DOHH: variants seen among roughly 807,000 people sequenced by gnomAD.
The protein encoded by DOHH is deoxyhypusine hydroxylase, also known as HEAT-like (PBS lyase) repeat containing 1.
Under a neutral mutation model 19.9 loss-of-function variants are expected in DOHH, and 16 were observed. That is an observed-to-expected ratio of 0.80 (90% confidence interval 0.54 to 1.22). The LOEUF (loss-of-function observed/expected upper bound fraction) is 1.22, where lower values mean the gene tolerates loss of function less well. DOHH is among the 50% of genes most tolerant of loss of function. The pLI is 0.00. For synonymous variants in DOHH, 233 were observed against 217.0 expected, an observed-to-expected ratio of 1.07 and a Z score of -0.65; for missense variants, 460 against 460.6, an observed-to-expected ratio of 1.00 and a Z score of 0.01.
At chr19:3,495,660 A>G (rs2082903134) in intron 2 of DOHH, among the ~76,000 whole-genome samples, 2 of 152,200 alleles carry the variant, frequency 1.3e-5, no homozygotes, top group Non-Finnish European at 2.9e-5. Context: ...CTGTAATCCC[A>G]GCACTTTGGG....
chr19:3,491,562 T>C lies in DOHH; in HGVS notation c.839A>G (p.Tyr280Cys). The C allele has an allele frequency of 1.3e-6, 2 of 1,535,910 alleles. No individual in the cohort carries two copies. Among genetic ancestry groups the C allele is most frequent in the Non-Finnish European group, 1.7e-6 (2 of 1,146,728 alleles). ...RESCEVALDM[Y>C]EHETGRAFQY... is the part of the protein sequence containing the mutation. ...GAAGGCCCGCCCGGTCTCGTGCTCA[T>C]ACATGTCCAGAGCCACCTCGCAGCT... Residue 280 changes from tyrosine (Y) to cysteine (C), a missense_variant, in exon 5 of 5, where the codon TAT becomes TGT. Tyr to Cys is a radical substitution (Grantham distance 194). Coordinates refer to ENST00000427575, the MANE Select transcript of DOHH (RefSeq NM_001145165.2). This position sits in a 1 kb window ranked among gnomAD's most constrained non-coding sequence, Gnocchi z 5.6.
rs1221344363 is a variant in DOHH, at chr19:3,491,244, C to T, written c.*248G>A. On this transcript the variant is annotated 3_prime_UTR_variant, in exon 5 of 5. Transcript: ENST00000427575. This position sits in a 1 kb window ranked among gnomAD's most constrained non-coding sequence, Gnocchi z 5.6. ...CATCCCAGAGCCTCCCGCAGAGTCC[C>T]ACCCCAAGCCTGGAAACTTCCACGC... The T allele has an allele frequency of 1.8e-6, 1 of 564,970 alleles. No homozygotes were observed. Among genetic ancestry groups the T allele is most frequent in the Non-Finnish European group, 3.1e-6 (1 of 323,818 alleles). 35.0% of individuals were successfully genotyped at this position (564,970 alleles called of 1,614,324 possible). A position where few individuals can be genotyped will look rare whatever the true frequency, so the allele number is the denominator to read the frequency against.
chr19:3,493,249 C>T (rs2082884077), intron 3 of DOHH, among the ~76,000 whole-genome samples: 1 of 152,194 alleles, frequency 6.6e-6, no homozygotes, highest in Non-Finnish European at 1.5e-5. Flanking sequence ...CCCAGGAGTT[C>T]AACACCAGCC....
intron 3 of DOHH, 145 bp downstream of exon 3, chr19:3,493,883 C>T (rs2082888748): frequency 1.7e-5 from 12 of 694,438 alleles, no homozygotes; most frequent in Non-Finnish European, 2.8e-5. Flanking sequence ...CTTCCTCATC[C>T]CTGGGGCATC....
At chr19:3,495,325 G>A (rs1042740491) in intron 2 of DOHH, among the ~76,000 whole-genome samples, 10 of 151,982 alleles carry the variant, frequency 6.6e-5, no homozygotes, top group African/African-American at 2.4e-4. Context: ...TGCCCAAGCT[G>A]GAGTGCAGTG....
chr19:3,495,003 G>A (rs560045141), intron 2 of DOHH, among the ~76,000 whole-genome samples: 2 of 147,914 alleles, frequency 1.4e-5, no homozygotes, highest in East Asian at 3.9e-4. Flanking sequence ...TTAGAGCTTC[G>A]CTCTTGTGAC....
chr19:3,495,065 T>C (rs542312029), intron 2 of DOHH, among the ~76,000 whole-genome samples: 1 of 152,182 alleles, frequency 6.6e-6, no homozygotes, highest in Non-Finnish European at 1.5e-5. Flanking sequence ...CTCCGCCTCC[T>C]GGGTTCAAGT....
At position 3,492,447 on chromosome 19, in the gene DOHH, T is replaced by A; in HGVS notation, c.404A>T (p.His135Leu). Residue 135 changes from histidine (H) to leucine (L), a missense_variant, in exon 4 of 5, where the codon CAC (histidine) becomes CTC (leucine). Coordinates refer to ENST00000427575, the MANE Select transcript of DOHH (RefSeq NM_001145165.2). ...GGGTCCCGCCGCCGGCTCCCCGCCGTGCTGCTGCAGCCACTCCAGCCTGCG... is the reference window on the plus strand; with the variant it reads ...GGGTCCCGCCGCCGGCTCCCCGCCGAGCTGCTGCAGCCACTCCAGCCTGCG... ...AVRRLEWLQQ[H>L]GGEPAAGPYL... The A allele has an allele frequency of 6.8e-7, 1 of 1,476,048 alleles. No homozygotes were observed. Among genetic ancestry groups the A allele is most frequent in the Non-Finnish European group, 8.9e-7 (1 of 1,119,842 alleles). The allele number at this position is 1,476,048 out of a possible 1,614,324, so 91.4% of individuals were successfully genotyped here.
In DOHH at chr19:3,491,435, T is replaced by G. The variant is rs1389307175; in HGVS notation, c.*57A>C. ...ACACCCGGTTTAGACGCCAAAGCTC[T>G]GCGGGGGAGGAGCGGCCCTCAAGAG... On this transcript the variant is annotated 3_prime_UTR_variant, in exon 5 of 5. Transcript: ENST00000427575. This position sits in a 1 kb window ranked among gnomAD's most constrained non-coding sequence, Gnocchi z 5.6. 1 of 1,486,414 alleles carries G rather than the reference T, an allele frequency of 6.7e-7. No homozygotes were observed. Among genetic ancestry groups the G allele is most frequent in the East Asian group, 2.5e-5 (1 of 39,938 alleles). 92.1% of individuals were successfully genotyped at this position (1,486,414 alleles called of 1,614,324 possible).
rs1323543709 is a variant in DOHH at position 3,491,492 on chromosome 19, C to CT, written c.908dup (p.Ter303=). ...GGGAGCTCCGGGTGAGGGTGGGGCC[C>CT]TAGGAGGGGGCCCCGCGCAGCTGCT... ...GLEQLRGAPS[*] is the part of the protein sequence containing the mutation. Residue 303 remains the stop codon, a frameshift_variant and stop_retained_variant, in exon 5 of 5, where the codon TAG becomes TAAG. Transcript: ENST00000427575. LOFTEE classifies it high-confidence loss of function. The surrounding 1 kb of genome is among the most constrained non-coding windows in gnomAD (Gnocchi z 5.6). 1 of 1,532,950 alleles carries CT rather than the reference C, an allele frequency of 6.5e-7. No individual in the cohort carries two copies. Among genetic ancestry groups the CT allele is most frequent in the Non-Finnish European group, 8.7e-7 (1 of 1,145,996 alleles). 95.0% of individuals were successfully genotyped at this position (1,532,950 alleles called of 1,614,324 possible).
At chr19:3,499,165 C>G (rs1379255629) in intron 1 of DOHH, among the ~76,000 whole-genome samples, 11 of 152,304 alleles carry the variant, frequency 7.2e-5, no homozygotes, top group African/African-American at 2.6e-4. Flanking sequence ...CAGCCCGACC[C>G]TCAGTTTGGT....
Position 3,491,029 on chromosome 19 carries a change from C to A in DOHH, c.*463G>T. 4.8e-6 allele frequency: 1 copy of A among 210,270 alleles called. No homozygotes were observed. Among genetic ancestry groups the A allele is most frequent in the South Asian group, 6.6e-5 (1 of 15,046 alleles). 13.0% of individuals were successfully genotyped at this position (210,270 alleles called of 1,614,324 possible). ...CCATAACGTCAGCCTCTTCCCAGAG[C>A]CCCAGCTCTGCCCCTGGCTTCCCTC... is the stretch of plus-strand genomic sequence containing the variant. On this transcript the variant is annotated 3_prime_UTR_variant, in exon 5 of 5. Coordinates refer to ENST00000427575, the MANE Select transcript of DOHH (RefSeq NM_001145165.2). This position sits in a 1 kb window ranked among gnomAD's most constrained non-coding sequence, Gnocchi z 5.6.
Position 3,496,534 on chromosome 19 carries a change from T to C in DOHH, c.274+7A>G, listed in dbSNP as rs529971329. The C allele has an allele frequency of 1.1e-5, 17 of 1,606,840 alleles. No homozygotes were observed. The highest frequency in any genetic ancestry group is 9.9e-5 in the South Asian group (9 of 90,930). On this transcript the variant is annotated splice_region_variant and intron_variant, in intron 2 of 4. Transcript: ENST00000427575. This position sits in a 1 kb window ranked among gnomAD's most constrained non-coding sequence, Gnocchi z 4.8. ...AGCAGGTGCCCGGGACACAGACAGG[T>C]GCTCACCTGCCTCATGGCGCACCAT... is the stretch of plus-strand genomic sequence containing the variant.
At chr19:3,499,944 C>G (rs2082937013) in intron 1 of DOHH, among the ~76,000 whole-genome samples, 1 of 152,172 alleles carries the variant, frequency 6.6e-6, no homozygotes, top group South Asian at 2.1e-4. Context: ...GGTGAGGAAA[C>G]TGAGGCACAG....
chr19:3,492,356 C>A lies in DOHH; in HGVS notation c.495G>T (p.Leu165=). Residue 165 remains leucine (L), a synonymous_variant, in exon 4 of 5, where the codon CTG becomes CTT. Coordinates refer to ENST00000427575, the MANE Select transcript of DOHH (RefSeq NM_001145165.2). The part of the protein sequence containing the change: ...ERDVGRLREA[L]LDESRPLFER... The stretch of plus-strand genomic sequence containing the variant: ...CGAAGAGCGGCCGGGACTCATCCAG[C>A]AGCGCCTCCCGCAGGCGCCCCACGT... The A allele has an allele frequency of 6.5e-7, 1 of 1,543,204 alleles. No individual in the cohort carries two copies. The highest frequency in any genetic ancestry group is 8.7e-7 in the Non-Finnish European group (1 of 1,151,716).
In DOHH at chr19:3,496,400, C is replaced by T. The variant is rs2082907552; in HGVS notation, c.274+141G>A. The T allele has an allele frequency of 7.9e-7, 1 of 1,269,306 alleles. No homozygotes were observed. Among genetic ancestry groups the T allele is most frequent in the Admixed American group, 2.2e-5 (1 of 45,700 alleles). The allele number at this position is 1,269,306 out of a possible 1,614,324, so 78.6% of individuals were successfully genotyped here. ...ATTGAGTCGCTGTCTGGCTGCAGAG[C>T]TGCAGGTATTTACTATCTGGTGCTC... On this transcript the variant is annotated intron_variant, in intron 2 of 4. Transcript: ENST00000427575. This position sits in a 1 kb window ranked among gnomAD's most constrained non-coding sequence, Gnocchi z 4.8.
At chr19:3,499,772 AAAAT>A (rs747038422) in intron 1 of DOHH, among the ~76,000 whole-genome samples, 1 of 152,248 alleles carries the variant, frequency 6.6e-6, no homozygotes, top group East Asian at 1.9e-4. Flanking sequence ...ACCCTGTCTC[AAAAT>A]AAATAAATAA....
At chr19:3,499,387 T>C (rs1268000025) in intron 1 of DOHH, among the ~76,000 whole-genome samples, 1 of 152,238 alleles carries the variant, frequency 6.6e-6, no homozygotes, top group Non-Finnish European at 1.5e-5. Flanking sequence ...CTCATTAGAA[T>C]AGAACTCTGA....
Position 3,491,963 on chromosome 19 carries a change from G to T in DOHH, c.590-152C>A, listed in dbSNP as rs2082873042. On this transcript the variant is annotated intron_variant, in intron 4 of 4. Transcript: ENST00000427575. This position sits in a 1 kb window ranked among gnomAD's most constrained non-coding sequence, Gnocchi z 5.6. ...GGCCTCCCAAAGTGCTGGGACGACA[G>T]GCGTGAGCCACCACGCCCAACCTGG... is the stretch of plus-strand genomic sequence containing the variant. The T allele has an allele frequency of 6.3e-6, 6 of 946,084 alleles. No individual in the cohort carries two copies. The East Asian group carries it at 1.5e-4, about 24-fold the overall frequency. 58.6% of individuals were successfully genotyped at this position (946,084 alleles called of 1,614,324 possible).
Sources: gnomAD v4.1 joint callset for allele counts (sites outside exome capture counted in the v4.1 genomes callset) on GRCh38, gnomAD v4.1.1 for gene constraint, Gnocchi (gnomAD v3.1) non-coding constraint, MANE v1.5 for transcripts, NCBI Gene and HGNC (gene_info 2026-07-23, HGNC 2026-07-21) for gene names.